The following ADRA1A variants were observed in gnomAD, a reference collection of about 807,000 sequenced individuals.
ADRA1A encodes the protein adrenoceptor alpha 1A, also known as alpha-1A adrenergic receptor.
Under a neutral mutation model 29.6 loss-of-function variants are expected in ADRA1A, and 31 were observed. The ratio of observed to expected loss-of-function variants is 1.05; its 90% CI spans 0.79 to 1.41. The LOEUF (loss-of-function observed/expected upper bound fraction) is 1.41. Ranked by LOEUF, ADRA1A falls within the 40% of genes most tolerant of loss-of-function variation. The pLI is 0.00. For missense variants in ADRA1A, 619 were observed against 601.1 expected (o/e 1.03, Z -0.31); for synonymous variants, 311 against 254.3 (o/e 1.22, Z -2.12).
chr8:26,798,899 T>C (rs1037981977), intron 2 of ADRA1A, among the ~76,000 whole-genome samples: 3 of 152,206 alleles, frequency 2.0e-5, no homozygotes, highest in Non-Finnish European at 4.4e-5. Flanking sequence ...TATGACAGTT[T>C]GTTACATTTC....
chr8:26,783,009 T>C (rs546578746), intron 2 of ADRA1A, among the ~76,000 whole-genome samples: 1 of 152,258 alleles, frequency 6.6e-6, no homozygotes, highest in South Asian at 2.1e-4. Context: ...TTATTGTCCA[T>C]TCCAGTTCTG....
chr8:26,845,197 G>C (rs1008841172), intron 2 of ADRA1A, among the ~76,000 whole-genome samples: 12 of 152,034 alleles, frequency 7.9e-5, no homozygotes, highest in South Asian at 2.1e-4. Context: ...ATCTGACCAG[G>C]GTCTGGCATC....
Position 26,770,595 on chromosome 8 carries a change from T to C in ADRA1A, c.955A>G (p.Ser319Gly). The C allele has an allele frequency of 1.2e-6, 2 of 1,614,232 alleles. No homozygotes were observed. Among genetic ancestry groups the C allele is most frequent in the Non-Finnish European group, 1.7e-6 (2 of 1,180,036 alleles). ...KIVFWLGYLN[S>G]CINPIIYPCS... ...GGGTATATGATGGGGTTGATGCAGC[T>C]GTTTAGATATCCGAGCCAAAATACT... Residue 319 changes from serine (S) to glycine (G), a missense_variant, in exon 3 of 3, where the codon AGC (serine) becomes GGC (glycine). Transcript: ENST00000380573.
In ADRA1A at chr8:26,865,475, GGTTGGGTAGC is replaced by G. The variant is rs61335811; in HGVS notation, c.-516_-507del. ...TCGACGCTCAAAGGCAGGGACCGATGGTTGGGTAGCGCAGCGCTACAGGTTGGGCGCTGCT... is the reference window on the plus strand; with the variant it reads ...TCGACGCTCAAAGGCAGGGACCGATGGCAGCGCTACAGGTTGGGCGCTGCT... On this transcript the variant is annotated 5_prime_UTR_variant, in exon 2 of 3. Transcript: ENST00000380573. This position sits in a 1 kb window ranked among gnomAD's most constrained non-coding sequence, Gnocchi z 7.6. 932,096 of 994,594 alleles carry G rather than the reference GGTTGGGTAGC, an allele frequency of 0.94. 438,377 individuals are homozygous for G. Among genetic ancestry groups the G allele is most frequent in the Non-Finnish European group, 0.95 (796,374 of 835,442 alleles). 61.6% of individuals were successfully genotyped at this position (994,594 alleles called of 1,614,324 possible). A position where few individuals can be genotyped will look rare whatever the true frequency, so the allele number is the denominator to read the frequency against.
rs1401510588 is a variant in ADRA1A at position 26,796,828 on chromosome 8, G to A, written c.884-26162C>T. ...CAGCCTCTGTAATGTGTGACCACAG[G>A]AAGCTTTTGCATATGGCTTTGTTTT... On this transcript the variant is annotated intron_variant, in intron 2 of 2. Coordinates refer to ENST00000380573, the MANE Select transcript of ADRA1A (RefSeq NM_000680.4). The surrounding 1 kb of genome is among the most constrained non-coding windows in gnomAD (Gnocchi z 5.0). Among the ~76,000 whole-genome samples the A allele has an allele frequency of 6.6e-6, 1 of 152,108 alleles. No individual in the cohort carries two copies. The highest frequency in any genetic ancestry group is 1.5e-5 in the Non-Finnish European group (1 of 68,022).
downstream of ADRA1A, among the ~76,000 whole-genome samples, chr8:26,766,959 C>T (rs918018440): frequency 4.0e-4 from 61 of 151,946 alleles, no homozygotes; most frequent in African/African-American, 6.0e-4. Context: ...TGCTATGTGA[C>T]GACAAGCAGA....
At chr8:26,851,242 A>G (rs1242038481) in intron 2 of ADRA1A, among the ~76,000 whole-genome samples, 1 of 152,180 alleles carries the variant, frequency 6.6e-6, no homozygotes, top group Admixed American at 6.5e-5. Context: ...CTCACCTTCC[A>G]TGGGCAAAGG....
intron 2 of ADRA1A, among the ~76,000 whole-genome samples, chr8:26,779,951 C>T (rs543747999): frequency 6.6e-6 from 1 of 152,208 alleles, no homozygotes; most frequent in Admixed American, 6.5e-5. Context: ...GGGAAGAAAC[C>T]ATGGGGGAAA....
In ADRA1A at chr8:26,786,130, G is replaced by T. The variant is rs74909291; in HGVS notation, c.884-15464C>A. Among the ~76,000 whole-genome samples the T allele has an allele frequency of 1.4e-3, 208 of 152,240 alleles. 2 individuals are homozygous for T. Among genetic ancestry groups the T allele is most frequent in the East Asian group, 0.013 (68 of 5,184 alleles). On this transcript the variant is annotated intron_variant, in intron 2 of 2. Transcript: ENST00000380573. Reference sequence around the variant, plus strand: ...ATGAAGCCCAACGTCCATAGCATGGGCCATAGGGCCATATGATCTGCTCTT... The same window carrying T: ...ATGAAGCCCAACGTCCATAGCATGGTCCATAGGGCCATATGATCTGCTCTT...
downstream of ADRA1A, among the ~76,000 whole-genome samples, chr8:26,763,165 C>A (rs944879573): frequency 9.9e-5 from 15 of 152,146 alleles, no homozygotes; most frequent in Admixed American, 9.2e-4. This position sits in a 1 kb window ranked among gnomAD's most constrained non-coding sequence, Gnocchi z 4.5. Context: ...GCTTTCTGAA[C>A]CCCATGGCTC....
At chr8:26,751,491 T>C (rs571891821), downstream of ADRA1A, among the ~76,000 whole-genome samples, 89 of 152,272 alleles carry the variant, frequency 5.8e-4, no homozygotes, top group African/African-American at 2.1e-3. Context: ...TTGTTTAAAA[T>C]TGAAAAGTAA....
Position 26,770,542 on chromosome 8 carries a change from G to A in ADRA1A, c.1008C>T (p.Ala336=). The change falls in exon 3 of 3, where the codon GCC becomes GCT. Residue 336 remains alanine (A), a synonymous_variant. Coordinates refer to ENST00000380573, the MANE Select transcript of ADRA1A (RefSeq NM_000680.4). ...YPCSSQEFKK[A]FQNVLRIQCL... is the part of the protein sequence containing the mutation. ...ACTGGATTCTCAAGACATTCTGAAA[G>A]GCCTTTTTGAACTCTTGGCTGGAGC... 6.2e-7 allele frequency: 1 copy of A among 1,614,200 alleles called. No individual in the cohort carries two copies. The highest frequency in any genetic ancestry group is 8.5e-7 in the Non-Finnish European group (1 of 1,180,034).
In ADRA1A at chr8:26,833,766, G is replaced by A. The variant is rs75347448; in HGVS notation, c.883+30321C>T. On this transcript the variant is annotated intron_variant, in intron 2 of 2. Transcript: ENST00000380573. ...TGAGATTTTGTTTCTATCAGCAAGT[G>A]TTTAAGAAACTATGGAGAGGAAGAG... Among the ~76,000 whole-genome samples the A allele has an allele frequency of 2.5e-4, 38 of 152,314 alleles. No individual in the cohort carries two copies. The East Asian group carries it at 7.1e-3, about 29-fold the overall frequency.
intron 2 of ADRA1A, among the ~76,000 whole-genome samples, chr8:26,861,998 G>A (rs1372017456): frequency 2.0e-5 from 3 of 151,908 alleles, no homozygotes; most frequent in Non-Finnish European, 4.4e-5. Flanking sequence ...AAATATAAAT[G>A]AGACTGGCCA....
rs1268713621 is a variant in ADRA1A, at chr8:26,860,242, A to T, written c.883+3845T>A. Among the ~76,000 whole-genome samples the T allele has an allele frequency of 3.3e-5, 5 of 152,068 alleles. No homozygotes were observed. The highest frequency in any genetic ancestry group is 7.4e-5 in the Non-Finnish European group (5 of 67,994). On this transcript the variant is annotated intron_variant, in intron 2 of 2. Coordinates refer to ENST00000380573, the MANE Select transcript of ADRA1A (RefSeq NM_000680.4). The surrounding 1 kb of genome is among the most constrained non-coding windows in gnomAD (Gnocchi z 4.7). ...CCTAGATGACTCCAGGACCCAGGCC[A>T]TTGTTTCTCATCTCTATGCATAGCT...
chr8:26,800,457 G>C (rs548332788), intron 2 of ADRA1A, among the ~76,000 whole-genome samples: 1 of 152,108 alleles, frequency 6.6e-6, no homozygotes, highest in Non-Finnish European at 1.5e-5. Context: ...AATGGTGTAA[G>C]AGTAATTGAA....
chr8:26,799,799 T>TTGAACAAATTTCTTGAGG (rs1808438156), intron 2 of ADRA1A, among the ~76,000 whole-genome samples: 1 of 152,130 alleles, frequency 6.6e-6, no homozygotes, highest in Admixed American at 6.6e-5. Flanking sequence ...ACTAAATGAA[T>TTGAACAAATTTCTTGAGG]TGAACAAATT....
downstream of ADRA1A, among the ~76,000 whole-genome samples, chr8:26,752,593 G>T (rs774370413): frequency 2.9e-4 from 44 of 152,280 alleles, no homozygotes; most frequent in Non-Finnish European, 4.1e-4. Context: ...TTATTTTGGG[G>T]CTGCTTTTTA....
chr8:26,812,852 A>G (rs561044094), intron 2 of ADRA1A, among the ~76,000 whole-genome samples: 3 of 151,274 alleles, frequency 2.0e-5, no homozygotes, highest in East Asian at 3.9e-4. Flanking sequence ...TTTTTAGTAG[A>G]GACTGGAGTT....
Sources: allele counts gnomAD v4.1 joint callset (sites outside exome capture counted in the v4.1 genomes callset), GRCh38; gene constraint gnomAD v4.1.1; non-coding constraint Gnocchi (gnomAD v3.1); transcripts MANE v1.5; gene names NCBI Gene and HGNC (gene_info 2026-07-23, HGNC 2026-07-21).